Variants in NAALAD2 observed in about 807,000 individuals in gnomAD.
NAALAD2 encodes the protein N-acetylated alpha-linked acidic dipeptidase 2.
Under a neutral mutation model 95.6 loss-of-function variants are expected in NAALAD2, and 89 were observed. That is an observed-to-expected ratio of 0.93 (90% CI 0.78 to 1.11). NAALAD2 has a LOEUF of 1.11. NAALAD2 is among the 50% of genes least tolerant of loss of function. The probability of loss-of-function intolerance (pLI) is 0.00; values close to 1 mark genes in which losing one functional copy is unlikely to be tolerated. For missense variants in NAALAD2, 894 were observed against 872.4 expected, an observed-to-expected ratio of 1.02 and a Z score of -0.31; for synonymous variants, 264 against 294.4, an observed-to-expected ratio of 0.90 and a Z score of 1.06.
chr11:90,170,278 T>C (rs1249807054), intron 13 of NAALAD2, 142 bp downstream of exon 13: 3 of 610,930 alleles, frequency 4.9e-6, no homozygotes, highest in Non-Finnish European at 8.9e-6. Context: ...AAATCTTTAA[T>C]ATGCCATTTA....
rs762685167 is a variant in NAALAD2 at position 90,191,794 on chromosome 11, G to A, written c.*47G>A. 2 of 1,375,880 alleles carry A rather than the reference G, an allele frequency of 1.5e-6. No homozygotes were observed. The highest frequency in any genetic ancestry group is 1.9e-6 in the Non-Finnish European group (2 of 1,043,608). The allele number at this position is 1,375,880 out of a possible 1,614,324, so 85.2% of individuals were successfully genotyped here. A position where few individuals can be genotyped will look rare whatever the true frequency, so the allele number is the denominator to read the frequency against. On this transcript the variant is annotated 3_prime_UTR_variant, in exon 19 of 19. Transcript: ENST00000534061. ...TTAAAGGTGTTGCTAAAAGTCTGAG[G>A]ATAAAATTCACCTTTCTGATAACTT...
At chr11:90,152,512 A>C in intron 6 of NAALAD2, 28 bp downstream of exon 6, 1 of 1,556,854 alleles carries the variant, frequency 6.4e-7, no homozygotes, top group Admixed American at 1.7e-5. Flanking sequence ...CAGTCCACCA[A>C]TTTTGCAAAA....
chr11:90,186,133 C>T (rs1857134327), intron 18 of NAALAD2, among the ~76,000 whole-genome samples: 1 of 151,902 alleles, frequency 6.6e-6, no homozygotes, highest in Middle Eastern at 3.2e-3. Flanking sequence ...CCCACTAACT[C>T]GTCATCTAGC....
At chr11:90,180,558 T>C (rs774198713) in intron 16 of NAALAD2, among the ~76,000 whole-genome samples, 2 of 152,004 alleles carry the variant, frequency 1.3e-5, no homozygotes, top group Non-Finnish European at 2.9e-5. Flanking sequence ...AGAAATTCTT[T>C]CCATTAGGTG....
intron 11 of NAALAD2, among the ~76,000 whole-genome samples, chr11:90,166,569 C>T (rs1952453475): frequency 6.6e-6 from 1 of 152,224 alleles, no homozygotes; most frequent in African/African-American, 2.4e-5. Flanking sequence ...GGCGCGGTGG[C>T]TCACGCCTGT....
At position 90,134,785 on chromosome 11, in the gene NAALAD2, C is replaced by A. The variant is rs764458652; in HGVS notation, c.27C>A (p.Tyr9Ter). 6.2e-7 allele frequency: 1 copy of A among 1,614,106 alleles called. No homozygotes were observed. The highest frequency in any genetic ancestry group is 8.5e-7 in the Non-Finnish European group (1 of 1,180,030). MAESRGRL[Y>*]LWMCLAAALA... is the part of the protein sequence containing the mutation. Reference sequence around the variant, plus strand: ...TGGCGGAATCCAGGGGCCGTCTGTACCTTTGGATGTGCTTGGCTGCTGCGC... The same window carrying A: ...TGGCGGAATCCAGGGGCCGTCTGTAACTTTGGATGTGCTTGGCTGCTGCGC... Residue 9 changes from tyrosine (Y) to a stop codon, truncating the protein, a stop_gained, in exon 1 of 19, where the codon TAC becomes TAA. Coordinates refer to ENST00000534061, the MANE Select transcript of NAALAD2 (RefSeq NM_005467.4). LOFTEE classifies it high-confidence loss of function.
rs1170839894 is a variant in NAALAD2, at chr11:90,139,250, C to CCTTCT, written c.194+3580_194+3581insCTTCT. Reference sequence around the variant, plus strand: ...GCCTTCTTGTTGTACAAACAAAAGACTGAAAGCTGGTGTTTATCTTTTCCA... The same window carrying CCTTCT: ...GCCTTCTTGTTGTACAAACAAAAGACCTTCTTGAAAGCTGGTGTTTATCTTTTCCA... On this transcript the variant is annotated intron_variant, in intron 2 of 18. Transcript: ENST00000534061. Among the ~76,000 whole-genome samples the CCTTCT allele has an allele frequency of 1.7e-3, 265 of 152,258 alleles. 2 individuals carry two copies. The highest frequency in any genetic ancestry group is 6.3e-3 in the African/African-American group (262 of 41,560).
intron 8 of NAALAD2, among the ~76,000 whole-genome samples, chr11:90,161,862 T>C (rs921600877): frequency 4.6e-5 from 7 of 152,146 alleles, no homozygotes; most frequent in Admixed American, 2.6e-4. Context: ...TATTTCTGCT[T>C]TTCTGCTATT....
At chr11:90,153,707 A>G (rs1951949490) in intron 6 of NAALAD2, among the ~76,000 whole-genome samples, 1 of 152,212 alleles carries the variant, frequency 6.6e-6, no homozygotes, top group African/African-American at 2.4e-5. Flanking sequence ...AATAAAATAC[A>G]ACTTTGCAGT....
At chr11:90,173,945 G>A (rs771473071) in intron 14 of NAALAD2, 30 bp downstream of exon 14, 4 of 1,409,704 alleles carry the variant, frequency 2.8e-6, no homozygotes, top group African/African-American at 2.9e-5. Flanking sequence ...CTTTTCTACT[G>A]TAGGATAAGT....
At chr11:90,148,148 C>T (rs1182378311) in intron 3 of NAALAD2, among the ~76,000 whole-genome samples, 1 of 152,096 alleles carries the variant, frequency 6.6e-6, no homozygotes, top group Non-Finnish European at 1.5e-5. Flanking sequence ...AAGGATGTGG[C>T]TAGAGGGGCA....
chr11:90,134,018 T>G (rs1399390224), upstream of NAALAD2, among the ~76,000 whole-genome samples: 1 of 152,084 alleles, frequency 6.6e-6, no homozygotes, highest in Non-Finnish European at 1.5e-5. Context: ...AGCACCATAT[T>G]TTGGGAAATT....
intron 18 of NAALAD2, among the ~76,000 whole-genome samples, chr11:90,187,213 C>T (rs550934572): frequency 1.3e-5 from 2 of 151,792 alleles, no homozygotes; most frequent in South Asian, 2.1e-4. Context: ...AACACTTTTA[C>T]ACTGTTGGTG....
Position 90,173,873 on chromosome 11 carries a change from G to T in NAALAD2, c.1460G>T (p.Trp487Leu). Residue 487 changes from tryptophan to leucine, a missense_variant, in exon 14 of 19, where the codon TGG becomes TTG. Coordinates refer to ENST00000534061, the MANE Select transcript of NAALAD2 (RefSeq NM_005467.4). ...GFESKSLYES[W>L]LEKDPSPENK... ...GAGAGTAAATCACTGTATGAAAGCT[G>T]GTTGGAAAAAGACCCTTCACCTGAA... 6.2e-7 allele frequency: 1 copy of T among 1,612,650 alleles called. No homozygotes were observed. Among genetic ancestry groups the T allele is most frequent in the South Asian group, 1.1e-5 (1 of 90,954 alleles).
Position 90,152,288 on chromosome 11 carries a change from GC to G in NAALAD2, c.610-6del. ...ATATCTGCATTATGAATTGCACATT[GC>G]CCCTGCAGGTTAAAAATGCCATGTT... On this transcript the variant is annotated splice_polypyrimidine_tract_variant and intron_variant, in intron 5 of 18. Transcript: ENST00000534061. 1.9e-6 allele frequency: 3 copies of G among 1,578,506 alleles called. No homozygotes were observed. The highest frequency in any genetic ancestry group is 2.3e-5 in the South Asian group (2 of 87,650).
At chr11:90,171,424 G>T (rs1466900362) in intron 13 of NAALAD2, among the ~76,000 whole-genome samples, 2 of 152,120 alleles carry the variant, frequency 1.3e-5, no homozygotes, top group African/African-American at 4.8e-5. Context: ...CCTTTCATTG[G>T]AATGTTCCAT....
chr11:90,134,566 C>CAGG (rs1169753275), upstream of NAALAD2: 1 of 582,664 alleles, frequency 1.7e-6, no homozygotes, highest in East Asian at 2.9e-5. Flanking sequence ...CCTCCCTCTG[C>CAGG]AGGGCTTCCT....
In NAALAD2 at chr11:90,158,159, C is replaced by T; in HGVS notation, c.811C>T (p.Leu271Phe). 1 of 1,605,832 alleles carries T rather than the reference C, an allele frequency of 6.2e-7. No homozygotes were observed. The highest frequency in any genetic ancestry group is 8.5e-7 in the Non-Finnish European group (1 of 1,174,904). Residue 271 changes from leucine to phenylalanine, a missense_variant, in exon 7 of 19, where the codon CTT becomes TTT. By Grantham distance (22) the Leu-to-Phe change is conservative. Coordinates refer to ENST00000534061, the MANE Select transcript of NAALAD2 (RefSeq NM_005467.4). ...GATTTTTTTAGAATACACTTTCAGACTTGATGTTGAAGAAGGAGTGGGAAT... is the reference window on the plus strand; with the variant it reads ...GATTTTTTTAGAATACACTTTCAGATTTGATGTTGAAGAAGGAGTGGGAAT... ...GYPAKEYTFR[L>F]DVEEGVGIPR... is the part of the protein sequence containing the mutation.
At chr11:90,156,695 C>T (rs1279448259) in intron 6 of NAALAD2, among the ~76,000 whole-genome samples, 1 of 152,132 alleles carries the variant, frequency 6.6e-6, no homozygotes, top group East Asian at 1.9e-4. Flanking sequence ...AAGTGATTCT[C>T]CTGCCCCAGC....
Sources: allele counts gnomAD v4.1 joint callset (sites outside exome capture counted in the v4.1 genomes callset), GRCh38; gene constraint gnomAD v4.1.1; transcripts MANE v1.5; gene names NCBI Gene and HGNC (gene_info 2026-07-23, HGNC 2026-07-21).